FAM117B: variants seen among roughly 807,000 people sequenced by gnomAD.
FAM117B encodes the protein protein FAM117B.
Under a neutral mutation model 52.8 loss-of-function variants are expected in FAM117B, and 22 were observed. That is an observed-to-expected ratio of 0.42 (90% CI 0.30 to 0.59). The LOEUF is 0.59. FAM117B is among the 20% of genes least tolerant of loss of function. FAM117B has a pLI of 0.22. For synonymous variants in FAM117B, 309 were observed against 324.1 expected, an observed-to-expected ratio of 0.95 and a Z score of 0.50; for missense variants, 678 against 802.6, an observed-to-expected ratio of 0.84 and a Z score of 1.88.
intron 1 of FAM117B, among the ~76,000 whole-genome samples, chr2:202,651,815 A>C (rs981442625): frequency 6.6e-6 from 1 of 152,006 alleles, no homozygotes; most frequent in African/African-American, 2.4e-5. Flanking sequence ...CAAGTTTGGG[A>C]GGCTGAGGCA....
At chr2:202,649,095 C>G (rs1475234920) in intron 1 of FAM117B, among the ~76,000 whole-genome samples, 4 of 152,120 alleles carry the variant, frequency 2.6e-5, no homozygotes, top group Non-Finnish European at 5.9e-5. Context: ...GAAGGGCGTG[C>G]ATTTTTCTTT....
chr2:202,715,003 A>C (rs912465862), intron 2 of FAM117B, among the ~76,000 whole-genome samples: 42 of 152,222 alleles, frequency 2.8e-4, no homozygotes, highest in Admixed American at 5.2e-4. Context: ...TCTATTCCAC[A>C]AAACTGCCAT....
chr2:202,665,415 CT>C (rs1690187297), intron 1 of FAM117B, among the ~76,000 whole-genome samples: 1 of 152,030 alleles, frequency 6.6e-6, no homozygotes, highest in African/African-American at 2.4e-5. Context: ...CCAAAGAAAA[CT>C]TTCTATTTTT....
intron 1 of FAM117B, among the ~76,000 whole-genome samples, chr2:202,669,335 A>G (rs959483615): frequency 1.3e-5 from 2 of 152,174 alleles, no homozygotes; most frequent in Non-Finnish European, 2.9e-5. Flanking sequence ...TACCAGTCAT[A>G]TGGTATCAGT....
At chr2:202,663,355 A>C (rs925131496) in intron 1 of FAM117B, among the ~76,000 whole-genome samples, 1 of 152,220 alleles carries the variant, frequency 6.6e-6, no homozygotes, top group African/African-American at 2.4e-5. Context: ...GGGTAACTCT[A>C]TAGTTAGTGA....
chr2:202,751,959 G>A (rs1691731957), intron 4 of FAM117B, among the ~76,000 whole-genome samples: 1 of 151,856 alleles, frequency 6.6e-6, no homozygotes, highest in Non-Finnish European at 1.5e-5. Context: ...TGCTGAGAAT[G>A]GAAAAGGGAT....
intron 1 of FAM117B, among the ~76,000 whole-genome samples, chr2:202,646,886 A>G (rs1256222148): frequency 6.6e-6 from 1 of 152,138 alleles, no homozygotes; most frequent in Non-Finnish European, 1.5e-5. Flanking sequence ...TTTAGTATAC[A>G]AGATGCTAAT....
intron 2 of FAM117B, among the ~76,000 whole-genome samples, chr2:202,702,462 G>A (rs1475371609): frequency 6.6e-6 from 1 of 152,154 alleles, no homozygotes; most frequent in East Asian, 1.9e-4. Flanking sequence ...TTGGCCTTCA[G>A]CAGCCATCAC....
intron 7 of FAM117B, among the ~76,000 whole-genome samples, chr2:202,759,751 G>A (rs1691856615): frequency 6.6e-6 from 1 of 151,962 alleles, no homozygotes; most frequent in Non-Finnish European, 1.5e-5. Context: ...TAGGGATGGG[G>A]TTTCACCGCG....
intron 4 of FAM117B, among the ~76,000 whole-genome samples, chr2:202,734,597 T>A (rs1691410155): frequency 6.6e-6 from 1 of 152,230 alleles, no homozygotes; most frequent in South Asian, 2.1e-4. Context: ...ACTGTTTGGC[T>A]TGAAGTGTTG....
In FAM117B at chr2:202,635,009, G is replaced by A. The variant is rs1027134504; in HGVS notation, c.-179G>A. 3.6e-4 allele frequency among the ~76,000 whole-genome samples: 54 copies of A among 151,752 alleles called. No individual in the cohort carries two copies. In the East Asian group the frequency reaches 4.1e-3, roughly 11 times the overall value. ...GTTGATGAGGAGCGGCGGCGGCGGC[G>A]GCGGCGGCTGCACCACCTCGTTGCT... On this transcript the variant is annotated 5_prime_UTR_variant, in exon 1 of 8. Coordinates refer to ENST00000392238, the MANE Select transcript of FAM117B (RefSeq NM_173511.4).
At chr2:202,751,145 AT>A (rs1559115641) in intron 4 of FAM117B, among the ~76,000 whole-genome samples, 1 of 152,206 alleles carries the variant, frequency 6.6e-6, no homozygotes, top group Non-Finnish European at 1.5e-5. Context: ...CTGTTTGCAA[AT>A]TTGCAAAATT....
chr2:202,722,622 G>A (rs1161566982), intron 2 of FAM117B, among the ~76,000 whole-genome samples: 1 of 152,114 alleles, frequency 6.6e-6, no homozygotes, highest in Non-Finnish European at 1.5e-5. Flanking sequence ...GCTAAATAAT[G>A]AGAACACATG....
At chr2:202,668,620 T>A (rs936420008) in intron 1 of FAM117B, among the ~76,000 whole-genome samples, 35 of 147,024 alleles carry the variant, frequency 2.4e-4, no homozygotes, top group Non-Finnish European at 3.6e-4. Flanking sequence ...ATCTTGTTCC[T>A]AATAAATAAA....
At chr2:202,636,223 T>A (rs1444799322) in intron 1 of FAM117B, among the ~76,000 whole-genome samples, 1 of 152,230 alleles carries the variant, frequency 6.6e-6, no homozygotes, top group African/African-American at 2.4e-5. Context: ...CTGCTAAGTA[T>A]TTCTGTTCAC....
intron 1 of FAM117B, among the ~76,000 whole-genome samples, chr2:202,636,806 T>C (rs1390579083): frequency 6.6e-6 from 1 of 152,366 alleles, no homozygotes; most frequent in East Asian, 1.9e-4. Context: ...TGAAATAGTT[T>C]CCGAAATGGA....
chr2:202,646,920 T>C (rs768033049), intron 1 of FAM117B, among the ~76,000 whole-genome samples: 5 of 152,286 alleles, frequency 3.3e-5, no homozygotes, highest in African/African-American at 1.2e-4. Flanking sequence ...ATCTAGGGTA[T>C]GTACAAGAGG....
chr2:202,740,503 A>G (rs1257898218), intron 4 of FAM117B, among the ~76,000 whole-genome samples: 1 of 151,876 alleles, frequency 6.6e-6, no homozygotes, highest in Non-Finnish European at 1.5e-5. Context: ...TATATAGTGT[A>G]TTTGTGCTTA....
rs371754724 is a variant in FAM117B, at chr2:202,712,152, A to G, written c.754-12765A>G. On this transcript the variant is annotated intron_variant, in intron 2 of 7. Transcript: ENST00000392238. The stretch of plus-strand genomic sequence containing the variant: ...TTTGGCTAGTATGAACATTTTAACA[A>G]TATCTATTCTTTTAATCCATGAACA... Among the ~76,000 whole-genome samples, 49 of 152,192 alleles carry G rather than the reference A, an allele frequency of 3.2e-4. 1 individual carries two copies. In the East Asian group the frequency reaches 3.3e-3, roughly 10 times the overall value.
Sources: allele counts gnomAD v4.1 joint callset (sites outside exome capture counted in the v4.1 genomes callset), GRCh38; gene constraint gnomAD v4.1.1; transcripts MANE v1.5; gene names NCBI Gene and HGNC (gene_info 2026-07-23, HGNC 2026-07-21).